DLGAP2: variants seen among roughly 807,000 people sequenced by gnomAD.
DLGAP2 encodes DLG associated protein 2, also known as disks large-associated protein 2.
Under a neutral mutation model 100.3 loss-of-function variants are expected in DLGAP2, and 26 were observed. That is an observed-to-expected ratio of 0.26 (90% confidence interval 0.19 to 0.36). The LOEUF is 0.36. Among genes scored for constraint, DLGAP2 ranks in the 10% least tolerant of loss-of-function variants. The pLI is 1.00. For missense variants in DLGAP2, 1,858 were observed against 1,453.2 expected (o/e 1.28, Z -4.53); for synonymous variants, 886 against 630.1 (o/e 1.41, Z -6.08).
chr8:1,339,171 C>T (rs1383663479), intron 3 of DLGAP2, among the ~76,000 whole-genome samples: 1 of 148,586 alleles, frequency 6.7e-6, no homozygotes, highest in Non-Finnish European at 1.5e-5. Flanking sequence ...AAGGCAGTGA[C>T]CTCAGCGAGG....
chr8:957,663 T>C (rs554594456), intron 2 of DLGAP2, among the ~76,000 whole-genome samples: 2 of 152,322 alleles, frequency 1.3e-5, no homozygotes, highest in South Asian at 4.1e-4. Flanking sequence ...TGACCGTCAT[T>C]AATGACAGTA....
intron 1 of DLGAP2, among the ~76,000 whole-genome samples, chr8:861,435 A>G (rs1021635516): frequency 6.6e-6 from 1 of 152,184 alleles, no homozygotes; most frequent in African/African-American, 2.4e-5. Flanking sequence ...TGAAGCCCCT[A>G]GCACGGAATC....
intron 6 of DLGAP2, among the ~76,000 whole-genome samples, chr8:1,583,243 C>T (rs923361882): frequency 6.6e-6 from 1 of 152,214 alleles, no homozygotes; most frequent in Non-Finnish European, 1.5e-5. Context: ...CTTCTCCCTC[C>T]CATCTGCCAT....
intron 2 of DLGAP2, among the ~76,000 whole-genome samples, chr8:1,053,204 C>A (rs1270544151): frequency 1.3e-5 from 2 of 152,184 alleles, no homozygotes; most frequent in African/African-American, 4.8e-5. Flanking sequence ...GGAGTCGCAT[C>A]CATCAGATTC....
At chr8:871,614 A>G (rs572261193) in intron 1 of DLGAP2, among the ~76,000 whole-genome samples, 9 of 152,236 alleles carry the variant, frequency 5.9e-5, no homozygotes, top group African/African-American at 1.9e-4. Flanking sequence ...ATGATGCTCA[A>G]TGGAACTGCT....
chr8:1,328,581 C>G (rs1421728736), intron 3 of DLGAP2, among the ~76,000 whole-genome samples: 3 of 152,230 alleles, frequency 2.0e-5, no homozygotes, highest in Admixed American at 2.0e-4. Flanking sequence ...GAACTCCTGA[C>G]CTCAGGTGAT....
chr8:1,214,613 T>C (rs1462826345), intron 2 of DLGAP2, among the ~76,000 whole-genome samples: 1 of 152,240 alleles, frequency 6.6e-6, no homozygotes, highest in South Asian at 2.1e-4. Context: ...AATTAATTGA[T>C]CATGTGTCTG....
chr8:1,024,318 C>T (rs368138619), intron 2 of DLGAP2, among the ~76,000 whole-genome samples: 107 of 110,088 alleles, frequency 9.7e-4, no homozygotes, highest in Non-Finnish European at 1.5e-3. Context: ...AGGCAGACAC[C>T]CCAGCCACCA....
intron 1 of DLGAP2, among the ~76,000 whole-genome samples, chr8:840,780 C>T (rs1258936633): frequency 6.6e-6 from 1 of 152,236 alleles, no homozygotes; most frequent in Non-Finnish European, 1.5e-5. Context: ...AGCGCGTCTA[C>T]ACGGTACATG....
intron 3 of DLGAP2, among the ~76,000 whole-genome samples, chr8:1,281,942 G>A (rs1374417077): frequency 6.6e-6 from 1 of 151,998 alleles, no homozygotes; most frequent in Non-Finnish European, 1.5e-5. Flanking sequence ...GAATGAGCAT[G>A]CACCAGGGCC....
rs761313128 is a variant in DLGAP2, at chr8:1,549,442, C to T, written c.989C>T (p.Ala330Val). ...CCCGTGGCCCACTGCTACCCCGACGCGCTGCAGAGCCCCTTCGGGGACCTG... is the reference window on the plus strand; with the variant it reads ...CCCGTGGCCCACTGCTACCCCGACGTGCTGCAGAGCCCCTTCGGGGACCTG... ...LGPVAHCYPD[A>V]LQSPFGDLSL... Residue 330 changes from alanine (A) to valine (V), a missense_variant, in exon 5 of 15, where the codon GCG becomes GTG. Transcript: ENST00000637795. 43 of 1,613,348 alleles carry T rather than the reference C, an allele frequency of 2.7e-5. No individual in the cohort carries two copies. In the Admixed American group the frequency reaches 4.7e-4, roughly 18 times the overall value.
chr8:869,897 C>T (rs1420937489), intron 1 of DLGAP2, among the ~76,000 whole-genome samples: 1 of 151,912 alleles, frequency 6.6e-6, no homozygotes, highest in Non-Finnish European at 1.5e-5. Flanking sequence ...CAGCGGGACT[C>T]TGCTCTGGAA....
At chr8:832,464 C>G (rs1450497013) in intron 1 of DLGAP2, among the ~76,000 whole-genome samples, 1 of 152,210 alleles carries the variant, frequency 6.6e-6, no homozygotes, top group Non-Finnish European at 1.5e-5. Context: ...TGCCTGCATT[C>G]TTCTGGATTC....
At chr8:1,259,337 A>T (rs1799297468) in intron 3 of DLGAP2, among the ~76,000 whole-genome samples, 1 of 152,198 alleles carries the variant, frequency 6.6e-6, no homozygotes, top group African/African-American at 2.4e-5. Context: ...AGTGTTGCTT[A>T]TTTAACTTTC....
intron 6 of DLGAP2, among the ~76,000 whole-genome samples, chr8:1,594,594 G>T (rs74583156): frequency 6.6e-6 from 1 of 151,800 alleles, no homozygotes; most frequent in Admixed American, 6.6e-5. Context: ...CAGAACTTAC[G>T]GGAAATCACC....
intron 2 of DLGAP2, among the ~76,000 whole-genome samples, chr8:926,354 C>G (rs551725249): frequency 6.6e-6 from 1 of 152,308 alleles, no homozygotes; most frequent in East Asian, 1.9e-4. Flanking sequence ...GGCCACCCCC[C>G]TCACACCTCC....
intron 2 of DLGAP2, among the ~76,000 whole-genome samples, chr8:1,087,411 T>C (rs1356646999): frequency 6.6e-6 from 1 of 152,228 alleles, no homozygotes; most frequent in East Asian, 1.9e-4. Flanking sequence ...GCTGTGTTCC[T>C]CACTCCAGCT....
Position 1,632,218 on chromosome 8 carries a change from C to T in DLGAP2, c.1591-609C>T, listed in dbSNP as rs534029333. Among the ~76,000 whole-genome samples, 14 of 152,238 alleles carry T rather than the reference C, an allele frequency of 9.2e-5. No individual in the cohort carries two copies. In the East Asian group the frequency reaches 9.6e-4, roughly 10 times the overall value. The stretch of plus-strand genomic sequence containing the variant: ...GGTAAAGTAGCACATTTCATGTGGA[C>T]GAAAACACCAGTACAGCCATTTCTT... On this transcript the variant is annotated intron_variant, in intron 7 of 14. Coordinates refer to ENST00000637795, the MANE Select transcript of DLGAP2 (RefSeq NM_001346810.2).
At chr8:1,537,852 C>T (rs1012855823) in intron 4 of DLGAP2, among the ~76,000 whole-genome samples, 2 of 152,072 alleles carry the variant, frequency 1.3e-5, no homozygotes, top group Admixed American at 1.3e-4. Context: ...TTCTAATATT[C>T]AGAGAAAAGA....
Sources: allele counts gnomAD v4.1 joint callset (sites outside exome capture counted in the v4.1 genomes callset), GRCh38; gene constraint gnomAD v4.1.1; transcripts MANE v1.5; gene names NCBI Gene and HGNC (gene_info 2026-07-23, HGNC 2026-07-21).